The following DDX39A variants were observed in gnomAD, a reference collection of about 807,000 sequenced individuals.
DDX39A encodes ATP-dependent RNA helicase DDX39A.
In DDX39A, 13 loss-of-function variants were observed where a neutral mutation model predicts 46.3. That is an observed-to-expected ratio of 0.28 (90% CI 0.18 to 0.45). DDX39A has a LOEUF of 0.45. Among genes scored for constraint, DDX39A ranks in the 20% least tolerant of loss-of-function variants. DDX39A has a pLI of 1.00. For synonymous variants in DDX39A, 234 were observed against 224.6 expected, an observed-to-expected ratio of 1.04 and a Z score of -0.38; for missense variants, 352 against 581.8, an observed-to-expected ratio of 0.61 and a Z score of 4.06.
chr19:14,410,863 C>G lies in DDX39A; in HGVS notation c.613+126G>C. 1 of 895,588 alleles carries G rather than the reference C, an allele frequency of 1.1e-6. No individual in the cohort carries two copies. Among genetic ancestry groups the G allele is most frequent in the Non-Finnish European group, 1.6e-6 (1 of 617,586 alleles). 55.5% of individuals were successfully genotyped at this position (895,588 alleles called of 1,614,324 possible). The stretch of plus-strand genomic sequence containing the variant: ...ATCCCTCTGCCAGCAGCAGAGCTTT[C>G]CCCAAGATCACCACAGGAGCCCCGC... On this transcript the variant is annotated intron_variant, in intron 5 of 10. Coordinates refer to ENST00000242776, the MANE Select transcript of DDX39A (RefSeq NM_005804.4). The surrounding 1 kb of genome is among the most constrained non-coding windows in gnomAD (Gnocchi z 4.3).
rs891234920 is a variant in DDX39A, at chr19:14,411,329, C to T, written c.430-157G>A. 4.3e-5 allele frequency: 44 copies of T among 1,034,540 alleles called. No homozygotes were observed. Among genetic ancestry groups the T allele is most frequent in the South Asian group, 2.8e-4 (18 of 64,186 alleles). 64.1% of individuals were successfully genotyped at this position (1,034,540 alleles called of 1,614,324 possible). A position where few individuals can be genotyped will look rare whatever the true frequency, so the allele number is the denominator to read the frequency against. On this transcript the variant is annotated intron_variant, in intron 4 of 10. Transcript: ENST00000242776. The surrounding 1 kb of genome is among the most constrained non-coding windows in gnomAD (Gnocchi z 4.1). Reference sequence around the variant, plus strand: ...AAAGGCAGCCCCAGGCTGGGACCTGCGCAGGCCCCTGGGAGCCATGCATAA... The same window carrying T: ...AAAGGCAGCCCCAGGCTGGGACCTGTGCAGGCCCCTGGGAGCCATGCATAA...
chr19:14,414,422 G>A (rs1976723913), intron 1 of DDX39A, among the ~76,000 whole-genome samples: 2 of 148,854 alleles, frequency 1.3e-5, no homozygotes, highest in South Asian at 4.2e-4. Context: ...GCGCAACCTC[G>A]GCTCACTGCA....
chr19:14,418,102 C>T (rs1976885652), intron 1 of DDX39A, among the ~76,000 whole-genome samples: 1 of 109,900 alleles, frequency 9.1e-6, no homozygotes, highest in Non-Finnish European at 1.7e-5. Flanking sequence ...GCCTGGGCGA[C>T]AGAGCAAGGC....
Position 14,410,642 on chromosome 19 carries a change from C to G in DDX39A, c.614-308G>C, listed in dbSNP as rs943054571. Reference sequence around the variant, plus strand: ...ACAGCCGCTGGGGTGAGAGCTGCAGCTGCCTCCCAGGACACAAGCCCATCT... The same window carrying G: ...ACAGCCGCTGGGGTGAGAGCTGCAGGTGCCTCCCAGGACACAAGCCCATCT... On this transcript the variant is annotated intron_variant, in intron 5 of 10. Coordinates refer to ENST00000242776, the MANE Select transcript of DDX39A (RefSeq NM_005804.4). The surrounding 1 kb of genome is among the most constrained non-coding windows in gnomAD (Gnocchi z 4.3). 3 of 522,942 alleles carry G rather than the reference C, an allele frequency of 5.7e-6. No individual in the cohort carries two copies. In the African/African-American group the frequency reaches 5.7e-5, roughly 10 times the overall value. 32.4% of individuals were successfully genotyped at this position (522,942 alleles called of 1,614,324 possible).
chr19:14,410,894 G>T lies in DDX39A; in HGVS notation c.613+95C>A. 8.4e-7 allele frequency: 1 copy of T among 1,188,072 alleles called. No individual in the cohort carries two copies. Among genetic ancestry groups the T allele is most frequent in the East Asian group, 2.6e-5 (1 of 37,748 alleles). 73.6% of individuals were successfully genotyped at this position (1,188,072 alleles called of 1,614,324 possible). ...GATCACCACAGGAGCCCCGCCTGCC[G>T]GCCGCCCATGTAACCCACTCAAGAG... is the stretch of plus-strand genomic sequence containing the variant. On this transcript the variant is annotated intron_variant, in intron 5 of 10. Coordinates refer to ENST00000242776, the MANE Select transcript of DDX39A (RefSeq NM_005804.4). The surrounding 1 kb of genome is among the most constrained non-coding windows in gnomAD (Gnocchi z 4.3).
In DDX39A at chr19:14,409,387, C is replaced by G. The variant is rs1027698053; in HGVS notation, c.1035G>C (p.Leu345=). 16 of 1,614,230 alleles carry G rather than the reference C, an allele frequency of 9.9e-6. No individual in the cohort carries two copies. Among genetic ancestry groups the G allele is most frequent in the Admixed American group, 1.7e-5 (1 of 60,036 alleles). Reference sequence around the variant, plus strand: ...GCTCGATGTCCATCCCCCGGCCAAACAGATTGGTGGCCACCAGGATCCGCC... The same window carrying G: ...GCTCGATGTCCATCCCCCGGCCAAAGAGATTGGTGGCCACCAGGATCCGCC... The part of the protein sequence containing the change: ...FQRRILVATN[L]FGRGMDIERV... Residue 345 remains leucine (L), a synonymous_variant, in exon 9 of 11, where the codon CTG becomes CTC. Coordinates refer to ENST00000242776, the MANE Select transcript of DDX39A (RefSeq NM_005804.4). The surrounding 1 kb of genome is among the most constrained non-coding windows in gnomAD (Gnocchi z 8.3).
chr19:14,408,944 T>C lies in DDX39A; in HGVS notation c.1276A>G (p.Ser426Gly). The C allele has an allele frequency of 3.8e-6, 6 of 1,597,052 alleles. No individual in the cohort carries two copies. The highest frequency in any genetic ancestry group is 5.1e-6 in the Non-Finnish European group (6 of 1,168,810). ...GCTCTGGCACGTGGTGGTTACCGGC[T>C]CTGCTCGACTGTAAGACATGAGATG... Reference protein sequence around the residue: ...EIDISTYIEQSR With the variant: ...EIDISTYIEQGR The change falls in exon 11 of 11, where the codon AGC becomes GGC. Residue 426 changes from serine to glycine, a missense_variant. Ser to Gly is a moderately conservative substitution (Grantham distance 56). This residue lies in a region of DDX39A where 301 missense variants were observed against 469.9 expected (regional missense o/e 0.64). Coordinates refer to ENST00000242776, the MANE Select transcript of DDX39A (RefSeq NM_005804.4).
chr19:14,418,930 C>A (rs775350791), intron 1 of DDX39A: 9 of 456,164 alleles, frequency 2.0e-5, no homozygotes, highest in Middle Eastern at 3.2e-4. Flanking sequence ...CGGCGTCACC[C>A]CCTCGTCCCT....
Position 14,411,524 on chromosome 19 carries a change from C to T in DDX39A, c.411G>A (p.Lys137=), listed in dbSNP as rs1235034741. ...GACTCACCTTGACGCTGGGCATGTA[C>T]TTGGAAAAGCGCTCATATTCCTTGC... ...QISKEYERFS[K]YMPSVKVSVF... is the part of the protein sequence containing the mutation. The change falls in exon 4 of 11, where the codon AAG becomes AAA. Residue 137 remains lysine, a synonymous_variant. Transcript: ENST00000242776. This position sits in a 1 kb window ranked among gnomAD's most constrained non-coding sequence, Gnocchi z 4.1. 1.2e-6 allele frequency: 2 copies of T among 1,614,198 alleles called. No individual in the cohort carries two copies. The highest frequency in any genetic ancestry group is 1.1e-5 in the South Asian group (1 of 91,082).
Position 14,409,702 on chromosome 19 carries a change from G to T in DDX39A, c.864+40C>A. On this transcript the variant is annotated intron_variant, in intron 7 of 10. Transcript: ENST00000242776. The surrounding 1 kb of genome is among the most constrained non-coding windows in gnomAD (Gnocchi z 8.3). Reference sequence around the variant, plus strand: ...AGTCCCTGTGGCCCAGTGACCTCCCGAAGGTCCTGAGCCCCAGGACAGGCT... The same window carrying T: ...AGTCCCTGTGGCCCAGTGACCTCCCTAAGGTCCTGAGCCCCAGGACAGGCT... 6.2e-6 allele frequency: 10 copies of T among 1,612,320 alleles called. No homozygotes were observed. The highest frequency in any genetic ancestry group is 7.6e-6 in the Non-Finnish European group (9 of 1,178,582).
rs962179910 is a variant in DDX39A, at chr19:14,409,382, CCAAA to C, written c.1036_1039del (p.Phe346AlafsTer39). 6.2e-6 allele frequency: 10 copies of C among 1,614,104 alleles called. No individual in the cohort carries two copies. Among genetic ancestry groups the C allele is most frequent in the Non-Finnish European group, 8.5e-7 (1 of 1,180,058 alleles). ...GACTCGCTCGATGTCCATCCCCCGG[CCAAA>C]CAGATTGGTGGCCACCAGGATCCGC... On this transcript the variant is annotated frameshift_variant, in exon 9 of 11. Transcript: ENST00000242776. LOFTEE classifies it high-confidence loss of function. This position sits in a 1 kb window ranked among gnomAD's most constrained non-coding sequence, Gnocchi z 8.3.
intron 1 of DDX39A, among the ~76,000 whole-genome samples, chr19:14,414,220 TTCTC>T (rs937606512): frequency 1.3e-5 from 2 of 151,930 alleles, no homozygotes; most frequent in African/African-American, 4.8e-5. Flanking sequence ...AATGGCTGTT[TTCTC>T]TCTCTCAACC....
intron 1 of DDX39A, among the ~76,000 whole-genome samples, chr19:14,414,329 TTATTATTATTA>T (rs1568329219): frequency 9.4e-4 from 35 of 37,408 alleles, no homozygotes; most frequent in African/African-American, 2.7e-3. Flanking sequence ...ACCTGTTTTA[TTATTATTATTA>T]TTATTATTAT....
chr19:14,411,704 C>A lies in DDX39A; in HGVS notation c.337-106G>T. The A allele has an allele frequency of 9.8e-7, 1 of 1,024,038 alleles. No homozygotes were observed. Among genetic ancestry groups the A allele is most frequent in the Non-Finnish European group, 1.5e-6 (1 of 675,960 alleles). 63.4% of individuals were successfully genotyped at this position (1,024,038 alleles called of 1,614,324 possible). On this transcript the variant is annotated intron_variant, in intron 3 of 10. Coordinates refer to ENST00000242776, the MANE Select transcript of DDX39A (RefSeq NM_005804.4). This position sits in a 1 kb window ranked among gnomAD's most constrained non-coding sequence, Gnocchi z 4.1. ...CCCCCTGACACTGCACCCAACATCACAGGCCATTTGAAGGCCCGGTCCAAA... is the reference window on the plus strand; with the variant it reads ...CCCCCTGACACTGCACCCAACATCAAAGGCCATTTGAAGGCCCGGTCCAAA...
chr19:14,409,835 C>T lies in DDX39A; in HGVS notation c.771G>A (p.Thr257=), dbSNP rs375628786. Residue 257 remains threonine (T), a synonymous_variant, in exon 7 of 11, where the codon ACG becomes ACA. Coordinates refer to ENST00000242776, the MANE Select transcript of DDX39A (RefSeq NM_005804.4). The surrounding 1 kb of genome is among the most constrained non-coding windows in gnomAD (Gnocchi z 8.3). ...CGTAGTACTGCTGCAGGCCGTGCAG[C>T]GTGAGCTTGGTCTCGTCGTCCACAA... ...EVFVDDETKL[T]LHGLQQYYVK... 8.7e-6 allele frequency: 14 copies of T among 1,613,990 alleles called. No homozygotes were observed. The highest frequency in any genetic ancestry group is 5.5e-5 in the South Asian group (5 of 91,088).
At chr19:14,414,556 G>A (rs923374770) in intron 1 of DDX39A, among the ~76,000 whole-genome samples, 1 of 148,194 alleles carries the variant, frequency 6.7e-6, no homozygotes, top group East Asian at 2.1e-4. Flanking sequence ...TCACCATGTT[G>A]GTCAGGCTGG....
Position 14,409,458 on chromosome 19 carries a change from G to A in DDX39A, c.975-11C>T. 4 of 1,613,760 alleles carry A rather than the reference G, an allele frequency of 2.5e-6. No individual in the cohort carries two copies. Among genetic ancestry groups the A allele is most frequent in the Admixed American group, 1.7e-5 (1 of 60,026 alleles). On this transcript the variant is annotated splice_polypyrimidine_tract_variant and intron_variant, in intron 8 of 10. Coordinates refer to ENST00000242776, the MANE Select transcript of DDX39A (RefSeq NM_005804.4). The surrounding 1 kb of genome is among the most constrained non-coding windows in gnomAD (Gnocchi z 8.3). ...TGATAGCGTGACAGGCTGGGGTGCA[G>A]GAGAAACAAGTGGAGGCCGTCAGAC...
rs1976645314 is a variant in DDX39A, at chr19:14,412,762, T to G, written c.209-84A>C. 1.4e-5 allele frequency: 22 copies of G among 1,522,238 alleles called. No homozygotes were observed. Among genetic ancestry groups the G allele is most frequent in the Non-Finnish European group, 1.9e-5 (21 of 1,134,772 alleles). The allele number at this position is 1,522,238 out of a possible 1,614,324, so 94.3% of individuals were successfully genotyped here. A position where few individuals can be genotyped will look rare whatever the true frequency, so the allele number is the denominator to read the frequency against. On this transcript the variant is annotated intron_variant, in intron 2 of 10. Coordinates refer to ENST00000242776, the MANE Select transcript of DDX39A (RefSeq NM_005804.4). The surrounding 1 kb of genome is among the most constrained non-coding windows in gnomAD (Gnocchi z 4.4). The stretch of plus-strand genomic sequence containing the variant: ...TCACCAGTTGACCGGGGGCCCACAG[T>G]GAGGGCAATCAGAAGAGGCCGAGTC...
Position 14,408,966 on chromosome 19 carries a change from G to A in DDX39A, c.1268-14C>T, listed in dbSNP as rs550997246. Reference sequence around the variant, plus strand: ...GGCTCTGCTCGACTGTAAGACATGAGATGCAGTGAACTGAAGGGCCGGGGG... The same window carrying A: ...GGCTCTGCTCGACTGTAAGACATGAAATGCAGTGAACTGAAGGGCCGGGGG... On this transcript the variant is annotated splice_polypyrimidine_tract_variant and intron_variant, in intron 10 of 10. Coordinates refer to ENST00000242776, the MANE Select transcript of DDX39A (RefSeq NM_005804.4). 8.6e-5 allele frequency: 138 copies of A among 1,607,936 alleles called. 1 individual carries two copies. The South Asian group carries it at 1.1e-3, about 13-fold the overall frequency.
Sources: allele counts gnomAD v4.1 joint callset (sites outside exome capture counted in the v4.1 genomes callset), GRCh38; gene constraint gnomAD v4.1.1; regional missense constraint gnomAD v4.1.1; non-coding constraint Gnocchi (gnomAD v3.1); transcripts MANE v1.5; gene names NCBI Gene and HGNC (gene_info 2026-07-23, HGNC 2026-07-21).